The following PIK3CB variants were observed in gnomAD, a reference collection of about 807,000 sequenced individuals.
PIK3CB encodes the protein phosphatidylinositol 4,5-bisphosphate 3-kinase catalytic subunit beta isoform.
A neutral mutation model predicts 136.8 loss-of-function variants in PIK3CB; 39 were observed. That is an observed-to-expected ratio of 0.29 (90% CI 0.22 to 0.37). The LOEUF (loss-of-function observed/expected upper bound fraction) is 0.37, where lower values mean the gene tolerates loss of function less well. Among genes scored for constraint, PIK3CB ranks in the 10% least tolerant of loss-of-function variants. PIK3CB has a pLI of 1.00. For missense variants in PIK3CB, 868 were observed against 1,275.4 expected (o/e 0.68, Z 4.87); for synonymous variants, 428 against 436.6 (o/e 0.98, Z 0.25).
chr3:138,756,762 T>C (rs747066488), intron 3 of PIK3CB, among the ~76,000 whole-genome samples: 56 of 151,902 alleles, frequency 3.7e-4, no homozygotes, highest in Non-Finnish European at 7.5e-4. Flanking sequence ...GCAACAACAA[T>C]AATAATAATG....
intron 1 of PIK3CB, among the ~76,000 whole-genome samples, chr3:138,810,990 A>G (rs1933016326): frequency 6.6e-6 from 1 of 152,068 alleles, no homozygotes; most frequent in Non-Finnish European, 1.5e-5. Flanking sequence ...TACTCTTGGG[A>G]GGCCGAGATG....
intron 19 of PIK3CB, among the ~76,000 whole-genome samples, chr3:138,679,936 T>TAA (rs61222749): frequency 9.9e-5 from 11 of 110,816 alleles, no homozygotes; most frequent in African/African-American, 2.8e-4. Flanking sequence ...AACACAAAAG[T>TAA]AAAAAAAAAA....
At chr3:138,822,946 T>G (rs1031315757) in intron 1 of PIK3CB, among the ~76,000 whole-genome samples, 4 of 144,380 alleles carry the variant, frequency 2.8e-5, no homozygotes, top group African/African-American at 1.0e-4. Flanking sequence ...ACGAAATATA[T>G]ATACATGAAA....
intron 2 of PIK3CB, among the ~76,000 whole-genome samples, chr3:138,786,292 C>G (rs1432627866): frequency 6.6e-6 from 1 of 152,110 alleles, no homozygotes; most frequent in Non-Finnish European, 1.5e-5. Context: ...AATCTCCATT[C>G]ACTAATAATC....
rs1297594370 is a variant in PIK3CB, at chr3:138,693,979, T to C, written c.1892+807A>G. Among the ~76,000 whole-genome samples the C allele has an allele frequency of 2.0e-5, 2 of 101,342 alleles. 1 individual carries two copies. The highest frequency in any genetic ancestry group is 3.8e-5 in the Non-Finnish European group (2 of 52,424). The allele number at this position is 101,342 out of a possible 152,430, so 66.5% of individuals were successfully genotyped here. A position where few individuals can be genotyped will look rare whatever the true frequency, so the allele number is the denominator to read the frequency against. ...TATATATATATATTATATATATATATATATATATATATATTTTAAACCCAT... is the reference window on the plus strand; with the variant it reads ...TATATATATATATTATATATATATACATATATATATATATTTTAAACCCAT... On this transcript the variant is annotated intron_variant, in intron 14 of 23. Coordinates refer to ENST00000674063, the MANE Select transcript of PIK3CB (RefSeq NM_006219.3).
At chr3:138,772,153 A>C (rs549509484) in intron 2 of PIK3CB, among the ~76,000 whole-genome samples, 8 of 152,348 alleles carry the variant, frequency 5.3e-5, no homozygotes, top group Admixed American at 5.2e-4. Flanking sequence ...GTTTAGAAAT[A>C]ACATGAAAAA....
rs563799109 is a variant in PIK3CB at position 138,693,001 on chromosome 3, A to C, written c.1892+1785T>G. ...AAATAAGATATATCCCTATGACAGA[A>C]TATTACACAGTAGTGAAAGGAATAA... On this transcript the variant is annotated intron_variant, in intron 14 of 23. Coordinates refer to ENST00000674063, the MANE Select transcript of PIK3CB (RefSeq NM_006219.3). Among the ~76,000 whole-genome samples, 4 of 152,368 alleles carry C rather than the reference A, an allele frequency of 2.6e-5. No individual in the cohort carries two copies. In the East Asian group the frequency reaches 7.7e-4, roughly 29 times the overall value.
chr3:138,771,921 CA>C (rs60381827), intron 2 of PIK3CB, among the ~76,000 whole-genome samples: 142 of 114,570 alleles, frequency 1.2e-3, no homozygotes, highest in Admixed American at 1.7e-3. Flanking sequence ...GACTCAGTCT[CA>C]AAAAAAAAAA....
chr3:138,761,677 C>A (rs866215610), intron 2 of PIK3CB, among the ~76,000 whole-genome samples: 2 of 151,130 alleles, frequency 1.3e-5, no homozygotes, highest in Non-Finnish European at 3.0e-5. Context: ...GGCTGAGGCA[C>A]GAGAATTGCT....
intron 1 of PIK3CB, among the ~76,000 whole-genome samples, chr3:138,815,374 AACTAGTCAAAACCAT>A (rs1933280111): frequency 1.4e-5 from 2 of 146,344 alleles, no homozygotes; most frequent in Non-Finnish European, 3.0e-5. Flanking sequence ...AAAAAAAAAA[AACTAGTCAAAACCAT>A]AACAAAAGAT....
intron 19 of PIK3CB, among the ~76,000 whole-genome samples, chr3:138,672,022 T>C (rs564981696): frequency 6.6e-6 from 1 of 152,078 alleles, no homozygotes; most frequent in Non-Finnish European, 1.5e-5. Context: ...TAACGCTTGG[T>C]ACTGTGGTGT....
At chr3:138,678,092 G>T (rs528874983) in intron 19 of PIK3CB, among the ~76,000 whole-genome samples, 1 of 152,098 alleles carries the variant, frequency 6.6e-6, no homozygotes, top group Non-Finnish European at 1.5e-5. Context: ...GAGCAACATA[G>T]TGAGACTCTG....
chr3:138,719,316 A>T (rs1484963832), intron 8 of PIK3CB, among the ~76,000 whole-genome samples: 1 of 142,226 alleles, frequency 7.0e-6, no homozygotes, highest in Non-Finnish European at 1.5e-5. Context: ...CATGATCTCA[A>T]CTAACTGCAA....
chr3:138,722,714 A>G (rs1192829103), intron 8 of PIK3CB, among the ~76,000 whole-genome samples: 1 of 151,728 alleles, frequency 6.6e-6, no homozygotes, highest in Admixed American at 6.6e-5. Flanking sequence ...AACCCAAAAA[A>G]CCCTGAATTA....
intron 1 of PIK3CB, among the ~76,000 whole-genome samples, chr3:138,812,841 T>G (rs928011318): frequency 2.6e-5 from 4 of 152,132 alleles, no homozygotes; most frequent in Non-Finnish European, 5.9e-5. Context: ...AATGAGAGAC[T>G]CTTGTAATGG....
At chr3:138,781,675 G>C (rs1007915634) in intron 2 of PIK3CB, among the ~76,000 whole-genome samples, 1 of 152,000 alleles carries the variant, frequency 6.6e-6, no homozygotes, top group African/African-American at 2.4e-5. Context: ...GGCTGCTCTC[G>C]AACTCCTGAC....
rs35232938 is a variant in PIK3CB at position 138,801,861 on chromosome 3, CA to C, written c.-121-5295del. Among the ~76,000 whole-genome samples, 141 of 57,388 alleles carry C rather than the reference CA, an allele frequency of 2.5e-3. No homozygotes were observed. The East Asian group carries it at 0.037, about 15-fold the overall frequency. The allele number at this position is 57,388 out of a possible 152,430, so 37.6% of individuals were successfully genotyped here. ...CTGGTGACAGAGCAAGACTCCATCT[CA>C]AAAAAAAAAAAAAAAAAAAAGATAA... On this transcript the variant is annotated intron_variant, in intron 1 of 23. Coordinates refer to ENST00000674063, the MANE Select transcript of PIK3CB (RefSeq NM_006219.3).
At chr3:138,738,442 A>T (rs1198827076) in intron 5 of PIK3CB, among the ~76,000 whole-genome samples, 1 of 152,150 alleles carries the variant, frequency 6.6e-6, no homozygotes, top group African/African-American at 2.4e-5. Context: ...AAGTGCTGGG[A>T]TTACAGGCAC....
At chr3:138,711,895 G>A (rs2044508709) in intron 10 of PIK3CB, among the ~76,000 whole-genome samples, 1 of 151,806 alleles carries the variant, frequency 6.6e-6, no homozygotes, top group Non-Finnish European at 1.5e-5. Flanking sequence ...GATCACTTGA[G>A]GCCAGGAGTT....
Sources: gnomAD v4.1 joint callset for allele counts (sites outside exome capture counted in the v4.1 genomes callset) on GRCh38, gnomAD v4.1.1 for gene constraint, MANE v1.5 for transcripts, NCBI Gene and HGNC (gene_info 2026-07-23, HGNC 2026-07-21) for gene names.